The following PTPRG variants were observed in gnomAD, a reference collection of about 807,000 sequenced individuals.
PTPRG encodes the protein protein tyrosine phosphatase receptor type G.
Under a neutral mutation model 165.3 loss-of-function variants are expected in PTPRG, and 102 were observed. The ratio of observed to expected loss-of-function variants is 0.62; its 90% confidence interval spans 0.53 to 0.73. The LOEUF (loss-of-function observed/expected upper bound fraction) is 0.73, where lower values mean the gene tolerates loss of function less well. Ranked by LOEUF, PTPRG falls within the 30% of genes least tolerant of loss-of-function variation. PTPRG has a pLI of 0.00. For missense variants in PTPRG, 1,866 were observed against 1,861.4 expected, an observed-to-expected ratio of 1.00 and a Z score of -0.05; for synonymous variants, 675 against 669.5, an observed-to-expected ratio of 1.01 and a Z score of -0.13.
chr3:62,032,548 T>C (rs959690459), intron 4 of PTPRG, among the ~76,000 whole-genome samples: 1 of 151,438 alleles, frequency 6.6e-6, no homozygotes, highest in Non-Finnish European at 1.5e-5. Context: ...TTTTTTTTTT[T>C]AGAAAAGTAT....
At chr3:62,068,692 C>A (rs1252832775) in intron 4 of PTPRG, among the ~76,000 whole-genome samples, 1 of 151,966 alleles carries the variant, frequency 6.6e-6, no homozygotes, top group Non-Finnish European at 1.5e-5. Context: ...TAAGGTCTCC[C>A]TATGTTTCTC....
At chr3:61,739,569 A>T (rs2032899850) in intron 1 of PTPRG, among the ~76,000 whole-genome samples, 1 of 152,218 alleles carries the variant, frequency 6.6e-6, no homozygotes, top group Non-Finnish European at 1.5e-5. Context: ...GACTGAGAGT[A>T]ATATCTGGTT....
At chr3:62,023,715 A>G (rs1325981460) in intron 4 of PTPRG, among the ~76,000 whole-genome samples, 3 of 152,194 alleles carry the variant, frequency 2.0e-5, no homozygotes. Context: ...TTCCAAGGCT[A>G]CCTGGCAAAA....
chr3:62,267,355 T>C, intron 17 of PTPRG, 55 bp from the exon 18 acceptor site: 2 of 1,290,152 alleles, frequency 1.6e-6, no homozygotes, highest in Non-Finnish European at 2.2e-6. Context: ...TTTAGAATGG[T>C]GCTAGTTTCT....
intron 1 of PTPRG, among the ~76,000 whole-genome samples, chr3:61,614,353 CCTTT>C (rs1325015495): frequency 6.6e-6 from 1 of 151,774 alleles, no homozygotes; most frequent in Non-Finnish European, 1.5e-5. Context: ...GTTACTAAAA[CCTTT>C]CTGTGTCCCA....
At chr3:62,284,898 C>G (rs551531991) in intron 28 of PTPRG, among the ~76,000 whole-genome samples, 1 of 152,280 alleles carries the variant, frequency 6.6e-6, no homozygotes, top group African/African-American at 2.4e-5. Flanking sequence ...CAATCTGCCA[C>G]TGAAGTACTT....
chr3:61,819,848 T>G (rs781264638), intron 2 of PTPRG, among the ~76,000 whole-genome samples: 1 of 152,212 alleles, frequency 6.6e-6, no homozygotes, highest in Non-Finnish European at 1.5e-5. Flanking sequence ...TTGATTTATC[T>G]TAATGTGTAT....
chr3:62,017,501 C>T (rs1347919773), intron 4 of PTPRG, among the ~76,000 whole-genome samples: 1 of 151,804 alleles, frequency 6.6e-6, no homozygotes, highest in East Asian at 1.9e-4. Flanking sequence ...CTGCGAGCTC[C>T]GCCTCCCGGG....
intron 1 of PTPRG, among the ~76,000 whole-genome samples, chr3:61,571,129 A>T (rs549831179): frequency 6.6e-6 from 1 of 152,188 alleles, no homozygotes; most frequent in Non-Finnish European, 1.5e-5. Flanking sequence ...CATGTGATCT[A>T]TGCCCCGTGC....
At chr3:61,790,457 G>T (rs1411616625) in intron 2 of PTPRG, among the ~76,000 whole-genome samples, 1 of 152,144 alleles carries the variant, frequency 6.6e-6, no homozygotes, top group African/African-American at 2.4e-5. Flanking sequence ...CTCAGACCAT[G>T]TTCTATTTTA....
At chr3:62,023,444 C>T (rs2041743218) in intron 4 of PTPRG, among the ~76,000 whole-genome samples, 1 of 151,930 alleles carries the variant, frequency 6.6e-6, no homozygotes, top group Non-Finnish European at 1.5e-5. Context: ...CTCTTTTTAC[C>T]TTCTTGCTGG....
intron 1 of PTPRG, among the ~76,000 whole-genome samples, chr3:61,713,162 ATG>A (rs527633716): frequency 0.011 from 1,611 of 144,036 alleles, 23 homozygotes; most frequent in South Asian, 0.028. Context: ...AACATCAAAT[ATG>A]TTTTTTTTTT....
chr3:62,039,425 C>CT (rs1007852911), intron 4 of PTPRG, among the ~76,000 whole-genome samples: 2 of 151,998 alleles, frequency 1.3e-5, no homozygotes, highest in African/African-American at 4.8e-5. Context: ...GAAAAAATAT[C>CT]TTTTTTTCTA....
intron 2 of PTPRG, among the ~76,000 whole-genome samples, chr3:61,831,945 T>C (rs2036308344): frequency 6.6e-6 from 1 of 152,188 alleles, no homozygotes; most frequent in Admixed American, 6.5e-5. Context: ...CAACATCTTG[T>C]CTATAACTAT....
At chr3:61,621,315 T>C (rs1701452345) in intron 1 of PTPRG, among the ~76,000 whole-genome samples, 1 of 152,058 alleles carries the variant, frequency 6.6e-6, no homozygotes, top group South Asian at 2.1e-4. Flanking sequence ...CTTCCTTCCA[T>C]CCTGCAGGGA....
intron 4 of PTPRG, among the ~76,000 whole-genome samples, chr3:62,049,166 C>T (rs1003634682): frequency 6.6e-6 from 1 of 152,004 alleles, no homozygotes; most frequent in Non-Finnish European, 1.5e-5. Flanking sequence ...CATCGTCCCT[C>T]TTTTGTATCC....
intron 1 of PTPRG, among the ~76,000 whole-genome samples, chr3:61,698,370 A>G (rs998438928): frequency 1.3e-5 from 2 of 152,168 alleles, no homozygotes; most frequent in Non-Finnish European, 2.9e-5. Flanking sequence ...AAACTATTCA[A>G]CACTGCCCTT....
rs776449515 is a variant in PTPRG, at chr3:61,826,134, TG to T, written c.190+77153del. Among the ~76,000 whole-genome samples the T allele has an allele frequency of 1.4e-4, 22 of 152,358 alleles. No individual in the cohort carries two copies. In the Middle Eastern group the frequency reaches 0.01, roughly 71 times the overall value. ...ATAAAATACATATCTTAAGTTAAAATGTTTTTTTATTTGGTTGTGTCGTTTT... is the reference window on the plus strand; with the variant it reads ...ATAAAATACATATCTTAAGTTAAAATTTTTTTTATTTGGTTGTGTCGTTTT... On this transcript the variant is annotated intron_variant, in intron 2 of 29. Coordinates refer to ENST00000474889, the MANE Select transcript of PTPRG (RefSeq NM_002841.4).
At chr3:62,257,346 GA>G (rs1409541399) in intron 16 of PTPRG, among the ~76,000 whole-genome samples, 1 of 150,246 alleles carries the variant, frequency 6.7e-6, no homozygotes, top group Non-Finnish European at 1.5e-5. Flanking sequence ...AGAAAGGACA[GA>G]AAAAGATTTT....
Sources: gnomAD v4.1 joint callset for allele counts (sites outside exome capture counted in the v4.1 genomes callset) on GRCh38, gnomAD v4.1.1 for gene constraint, MANE v1.5 for transcripts, NCBI Gene and HGNC (gene_info 2026-07-23, HGNC 2026-07-21) for gene names.